Variants in NUP62CL observed in about 807,000 individuals in gnomAD.
The protein encoded by NUP62CL is nucleoporin-62 C-terminal-like protein.
Under a neutral mutation model 15.3 loss-of-function variants are expected in NUP62CL, and 13 were observed. That is an observed-to-expected ratio of 0.85 (90% CI 0.55 to 1.35). The LOEUF (loss-of-function observed/expected upper bound fraction) is 1.35, where lower values mean the gene tolerates loss of function less well. Ranked by LOEUF, NUP62CL falls within the 40% of genes most tolerant of loss-of-function variation. The probability of loss-of-function intolerance (pLI) is 0.00; values close to 1 mark genes in which losing one functional copy is unlikely to be tolerated. For synonymous variants in NUP62CL, 54 were observed against 49.2 expected (o/e 1.10, Z -0.41); for missense variants, 123 against 130.6 (o/e 0.94, Z 0.28).
At chrX:107,164,894 T>C (rs1180305878) in intron 4 of NUP62CL, among the ~76,000 whole-genome samples, 4 of 111,846 alleles carry the variant, frequency 3.6e-5, no homozygotes, top group Non-Finnish European at 7.5e-5. Context: ...AAGTCAGGAG[T>C]TCGAGACCAG....
chrX:107,170,714 T>C (rs1926631006), intron 3 of NUP62CL, among the ~76,000 whole-genome samples: 1 of 112,175 alleles, frequency 8.9e-6, no homozygotes, highest in Non-Finnish European at 1.9e-5. Context: ...ACCCGGCCTA[T>C]TTTAACTTTT....
At chrX:107,161,818 A>T (rs12394829) in intron 4 of NUP62CL, among the ~76,000 whole-genome samples, 6 of 83,961 alleles carry the variant, frequency 7.1e-5, no homozygotes, top group African/African-American at 1.3e-4. Flanking sequence ...AATAAAAAAA[A>T]TTTAAAAAAA....
intron 3 of NUP62CL, among the ~76,000 whole-genome samples, chrX:107,169,325 A>C (rs1170709337): frequency 8.9e-6 from 1 of 111,869 alleles, no homozygotes; most frequent in African/African-American, 3.2e-5. Flanking sequence ...AAAAGAAAAA[A>C]GTAGACAAAG....
chrX:107,193,689 C>CA (rs35585744), intron 1 of NUP62CL, among the ~76,000 whole-genome samples: 2,217 of 96,714 alleles, frequency 0.023, 18 homozygotes, highest in African/African-American at 0.031. Flanking sequence ...CACATATAGT[C>CA]AAAAAAAAAA....
chrX:107,159,992 C>G, intron 4 of NUP62CL, among the ~76,000 whole-genome samples: 1 of 104,679 alleles, frequency 9.6e-6, no homozygotes, highest in Non-Finnish European at 1.9e-5. Context: ...CAACAACAGA[C>G]AAACAGAGAG....
intron 2 of NUP62CL, among the ~76,000 whole-genome samples, chrX:107,186,555 T>C (rs1348005925): frequency 8.9e-6 from 1 of 111,797 alleles, no homozygotes; most frequent in African/African-American, 3.3e-5. Flanking sequence ...GCATTTGGGG[T>C]ACAAGTGGTT....
At chrX:107,182,765 T>C (rs764658382) in intron 2 of NUP62CL, among the ~76,000 whole-genome samples, 1 of 110,559 alleles carries the variant, frequency 9.0e-6, no homozygotes, top group Admixed American at 9.6e-5. Context: ...AATTCACTAA[T>C]CTCTTAGGGG....
rs750141716 is a variant in NUP62CL, at chrX:107,152,079, G to GATATAT, written c.530+1087_530+1092dup. Among the ~76,000 whole-genome samples the GATATAT allele has an allele frequency of 3.9e-3, 145 of 37,340 alleles. 12 individuals carry two copies. Among genetic ancestry groups the GATATAT allele is most frequent in the African/African-American group, 0.023 (138 of 5,884 alleles). The allele number at this position is 37,340 out of a possible 115,157, so 32.4% of individuals were successfully genotyped here. A position where few individuals can be genotyped will look rare whatever the true frequency, so the allele number is the denominator to read the frequency against. ...ATATATATATATATATATATATTCA[G>GATATAT]ATATATATATATATATTCAGATATA... On this transcript the variant is annotated intron_variant, in intron 7 of 8. Coordinates refer to ENST00000372466, the MANE Select transcript of NUP62CL (RefSeq NM_017681.3).
chrX:107,184,291 AAAGAGAAGAAAGAAAGAAAGAAAG>A (rs1569364415), intron 2 of NUP62CL, among the ~76,000 whole-genome samples: 4,581 of 95,064 alleles, frequency 0.048, 123 homozygotes, highest in South Asian at 0.13. Flanking sequence ...CAGCACAAAA[AAAGAGAAGAAAGAAAGAAAGAAAG>A]AAAGAAAGAA....
At chrX:107,126,988 T>C (rs757120891) in intron 8 of NUP62CL, among the ~76,000 whole-genome samples, 4 of 110,191 alleles carry the variant, frequency 3.6e-5, no homozygotes, top group African/African-American at 1.3e-4. Context: ...GAGCTGAGAT[T>C]GTGCCATTGC....
At position 107,153,130 on chromosome X, in the gene NUP62CL, G is replaced by T. The variant is rs369367995; in HGVS notation, c.530+42C>A. The T allele has an allele frequency of 2.6e-6, 3 of 1,144,379 alleles. No homozygotes were observed. The South Asian group carries it at 6.8e-5, about 26-fold the overall frequency. The allele number at this position is 1,144,379 out of a possible 1,213,427, so 94.3% of individuals were successfully genotyped here. On this transcript the variant is annotated intron_variant, in intron 7 of 8. Transcript: ENST00000372466. The stretch of plus-strand genomic sequence containing the variant: ...TGTTCCTGGAATGCTCTCAGAATAC[G>T]TAAGTCCTGCCCCATTCTTCAATCT...
chrX:107,127,872 T>C (rs1484032662), intron 8 of NUP62CL, among the ~76,000 whole-genome samples: 1 of 111,796 alleles, frequency 8.9e-6, no homozygotes. Flanking sequence ...ATTTTCAAAA[T>C]ACTCAACCTC....
chrX:107,178,195 T>A (rs1018419891), intron 2 of NUP62CL, among the ~76,000 whole-genome samples: 5 of 111,631 alleles, frequency 4.5e-5, no homozygotes, highest in Non-Finnish European at 7.5e-5. Context: ...AAAGGAGGAA[T>A]GGGCAATGAC....
At chrX:107,186,515 C>T (rs1927066349) in intron 2 of NUP62CL, among the ~76,000 whole-genome samples, 1 of 111,748 alleles carries the variant, frequency 8.9e-6, no homozygotes, top group African/African-American at 3.3e-5. Context: ...GTTCATCCTA[C>T]ATATCTACTA....
chrX:107,188,980 C>T (rs1927141874), intron 2 of NUP62CL, among the ~76,000 whole-genome samples: 2 of 111,785 alleles, frequency 1.8e-5, no homozygotes, highest in Admixed American at 1.9e-4. Context: ...TCCTATAATA[C>T]ATTGCTATTT....
At chrX:107,149,554 C>T (rs1226589046) in intron 7 of NUP62CL, among the ~76,000 whole-genome samples, 1 of 111,701 alleles carries the variant, frequency 9.0e-6, no homozygotes, top group Non-Finnish European at 1.9e-5. Context: ...AAAGAAGGAG[C>T]CAAGACCCAG....
At chrX:107,187,678 G>A (rs760925310) in intron 2 of NUP62CL, among the ~76,000 whole-genome samples, 4 of 112,802 alleles carry the variant, frequency 3.5e-5, no homozygotes, top group African/African-American at 6.4e-5. Context: ...GATTACAGGC[G>A]TGAGCCACTG....
At chrX:107,157,483 TAAAGA>T (rs1201711909) in intron 4 of NUP62CL, among the ~76,000 whole-genome samples, 1 of 105,418 alleles carries the variant, frequency 9.5e-6, no homozygotes, top group Non-Finnish European at 2.0e-5. Flanking sequence ...TCAACATTCT[TAAAGA>T]AAAGAATTTT....
intron 5 of NUP62CL, 43 bp downstream of exon 5, chrX:107,154,053 A>T (rs755629760): frequency 9.3e-7 from 1 of 1,076,592 alleles, no homozygotes; most frequent in Non-Finnish European, 1.2e-6. Flanking sequence ...TCATCTGCAA[A>T]TACTTGCACA....
Sources: gnomAD v4.1 joint callset for allele counts (sites outside exome capture counted in the v4.1 genomes callset) on GRCh38, gnomAD v4.1.1 for gene constraint, MANE v1.5 for transcripts, NCBI Gene and HGNC (gene_info 2026-07-23, HGNC 2026-07-21) for gene names.